The following RPTOR variants were observed in gnomAD, a reference collection of about 807,000 sequenced individuals.
RPTOR encodes regulatory-associated protein of mTOR.
A neutral mutation model predicts 169.9 loss-of-function variants in RPTOR; 21 were observed. That is an observed-to-expected ratio of 0.12 (90% CI 0.09 to 0.18). The LOEUF (loss-of-function observed/expected upper bound fraction) is 0.18. RPTOR is among the 10% of genes least tolerant of loss of function. RPTOR has a pLI of 1.00. For synonymous variants in RPTOR, 732 were observed against 753.2 expected (o/e 0.97, Z 0.46); for missense variants, 1,133 against 1,855.9 (o/e 0.61, Z 7.16).
intron 5 of RPTOR, among the ~76,000 whole-genome samples, chr17:80,753,279 A>G (rs1332581398): frequency 6.6e-6 from 1 of 152,240 alleles, no homozygotes; most frequent in Non-Finnish European, 1.5e-5. Context: ...AGTTCACATC[A>G]TATAACCTGA....
chr17:80,585,356 C>T (rs1300807202), intron 1 of RPTOR, among the ~76,000 whole-genome samples: 1 of 152,040 alleles, frequency 6.6e-6, no homozygotes, highest in Non-Finnish European at 1.5e-5. Flanking sequence ...AGGCACGCGC[C>T]ACCTCGCCCA....
Position 80,546,805 on chromosome 17 carries a change from G to A in RPTOR, c.162+1014G>A, listed in dbSNP as rs552373763. ...GCGGTGGCTCACGCCTGTAATCTCA[G>A]CACTTTGGGAGGCCAAGGCAGGCCT... On this transcript the variant is annotated intron_variant, in intron 1 of 33. Transcript: ENST00000306801. 1.8e-4 allele frequency among the ~76,000 whole-genome samples: 27 copies of A among 152,270 alleles called. 1 individual carries two copies. In the South Asian group the frequency reaches 5.2e-3, roughly 29 times the overall value.
chr17:80,585,631 C>T (rs114232514), intron 1 of RPTOR, among the ~76,000 whole-genome samples: 187 of 152,330 alleles, frequency 1.2e-3, no homozygotes, highest in African/African-American at 4.3e-3. Context: ...TGAGTGTGCA[C>T]GCTGCTACGT....
In RPTOR at chr17:80,841,857, G is replaced by A. The variant is rs374887706; in HGVS notation, c.1212+3860G>A. ...GCACGGCAGCTCACACTCACCGCAC[G>A]GCAGCTGACTCACCGCACCGCAGCT... On this transcript the variant is annotated intron_variant, in intron 10 of 33. Coordinates refer to ENST00000306801, the MANE Select transcript of RPTOR (RefSeq NM_020761.3). 4.2e-4 allele frequency among the ~76,000 whole-genome samples: 38 copies of A among 90,484 alleles called. 1 individual carries two copies. In the East Asian group the frequency reaches 8.5e-3, roughly 20 times the overall value. The allele number at this position is 90,484 out of a possible 152,430, so 59.4% of individuals were successfully genotyped here.
At chr17:80,847,539 T>C (rs967033220) in intron 11 of RPTOR, among the ~76,000 whole-genome samples, 3 of 152,182 alleles carry the variant, frequency 2.0e-5, no homozygotes, top group African/African-American at 7.2e-5. Context: ...GGTGGTGCAG[T>C]TGGACTTTGG....
chr17:80,740,480 A>G (rs1037145150), intron 5 of RPTOR, among the ~76,000 whole-genome samples: 1 of 152,256 alleles, frequency 6.6e-6, no homozygotes, highest in Non-Finnish European at 1.5e-5. Context: ...AATAAAAAAC[A>G]GCAAACCAAT....
At chr17:80,903,186 G>A (rs565947986) in intron 20 of RPTOR, among the ~76,000 whole-genome samples, 6 of 152,350 alleles carry the variant, frequency 3.9e-5, no homozygotes, top group South Asian at 2.1e-4. Flanking sequence ...TGTGGCAAGC[G>A]CCCTGCTCAC....
chr17:80,949,363 G>C, intron 27 of RPTOR, 80 bp from the exon 28 acceptor site: 1 of 1,210,624 alleles, frequency 8.3e-7, no homozygotes, highest in Non-Finnish European at 1.2e-6. Flanking sequence ...CTGCCAGGAA[G>C]GGCTCTTACC....
intron 24 of RPTOR, 130 bp downstream of exon 24, chr17:80,925,610 G>A (rs1043999741): frequency 1.1e-5 from 8 of 711,816 alleles, no homozygotes; most frequent in South Asian, 3.4e-5. Flanking sequence ...TGATGGTCAC[G>A]GTTGAGGTAG....
At chr17:80,794,728 A>G (rs1207060779) in intron 7 of RPTOR, among the ~76,000 whole-genome samples, 1 of 152,232 alleles carries the variant, frequency 6.6e-6, no homozygotes, top group African/African-American at 2.4e-5. Flanking sequence ...CTCAACAGGA[A>G]AAAGGGACAG....
At chr17:80,625,200 A>T (rs2065383851) in intron 1 of RPTOR, among the ~76,000 whole-genome samples, 1 of 152,206 alleles carries the variant, frequency 6.6e-6, no homozygotes, top group South Asian at 2.1e-4. Flanking sequence ...AAGGCACTCT[A>T]GGAGAACCAG....
At chr17:80,565,871 G>T (rs1023322704) in intron 1 of RPTOR, among the ~76,000 whole-genome samples, 1 of 152,248 alleles carries the variant, frequency 6.6e-6, no homozygotes, top group African/African-American at 2.4e-5. Flanking sequence ...GGTGTTAAGC[G>T]GCGAGCCAGG....
chr17:80,648,987 A>G (rs2065618169), intron 3 of RPTOR, among the ~76,000 whole-genome samples: 1 of 152,218 alleles, frequency 6.6e-6, no homozygotes, highest in African/African-American at 2.4e-5. Flanking sequence ...CTTCACAGCC[A>G]TGTGGAACTA....
At chr17:80,899,087 C>T (rs2068443666) in intron 20 of RPTOR, among the ~76,000 whole-genome samples, 1 of 152,102 alleles carries the variant, frequency 6.6e-6, no homozygotes, top group African/African-American at 2.4e-5. Context: ...CCAGCTTAGC[C>T]CAGACACGCC....
intron 5 of RPTOR, among the ~76,000 whole-genome samples, chr17:80,743,887 GCACTGTCCTGGTTACGA>G (rs2066522086): frequency 9.5e-6 from 1 of 105,036 alleles, no homozygotes; most frequent in Admixed American, 8.4e-5. Context: ...CTGGCTACTA[GCACTGTCCTGGTTACGA>G]GCACAGCCCT....
intron 31 of RPTOR, 54 bp from the exon 32 acceptor site, chr17:80,962,407 A>T: frequency 6.9e-7 from 1 of 1,457,738 alleles, no homozygotes; most frequent in Non-Finnish European, 9.6e-7. Flanking sequence ...CCCCCTGGCC[A>T]GGCCCCTCAT....
chr17:80,858,309 C>T (rs1056997326), intron 13 of RPTOR, among the ~76,000 whole-genome samples: 2 of 152,356 alleles, frequency 1.3e-5, no homozygotes, highest in South Asian at 2.1e-4. Context: ...ATTGGCTCTC[C>T]TGTGCCCACC....
rs200127391 is a variant in RPTOR at position 80,730,749 on chromosome 17, T to G, written c.654+43T>G. On this transcript the variant is annotated intron_variant, in intron 5 of 33. Coordinates refer to ENST00000306801, the MANE Select transcript of RPTOR (RefSeq NM_020761.3). This position sits in a 1 kb window ranked among gnomAD's most constrained non-coding sequence, Gnocchi z 4.2. ...TGGAGAGCGGTGCTGGGTTTGGTTT[T>G]GTTTTCCCTGGGGGTGGGGTTTGGG... 3.1e-3 allele frequency: 4,824 copies of G among 1,577,738 alleles called. 17 individuals carry two copies. The highest frequency in any genetic ancestry group is 0.011 in the Middle Eastern group (48 of 4,344).
At position 80,960,771 on chromosome 17, in the gene RPTOR, T is replaced by A; in HGVS notation, c.3605+566T>A. Reference sequence around the variant, plus strand: ...TGAGCACCCCTGTGGGCAGGTGCTGTCCATGTCTGGCAGGGGACAGGGCAC... The same window carrying A: ...TGAGCACCCCTGTGGGCAGGTGCTGACCATGTCTGGCAGGGGACAGGGCAC... On this transcript the variant is annotated intron_variant, in intron 30 of 33. Coordinates refer to ENST00000306801, the MANE Select transcript of RPTOR (RefSeq NM_020761.3). This position sits in a 1 kb window ranked among gnomAD's most constrained non-coding sequence, Gnocchi z 4.8. 1 of 159,730 alleles carries A rather than the reference T, an allele frequency of 6.3e-6. No individual in the cohort carries two copies. The highest frequency in any genetic ancestry group is 1.7e-4 in the South Asian group (1 of 5,952). The allele number at this position is 159,730 out of a possible 1,614,324, so 9.9% of individuals were successfully genotyped here.
Sources: allele counts gnomAD v4.1 joint callset (sites outside exome capture counted in the v4.1 genomes callset), GRCh38; gene constraint gnomAD v4.1.1; non-coding constraint Gnocchi (gnomAD v3.1); transcripts MANE v1.5; gene names NCBI Gene and HGNC (gene_info 2026-07-23, HGNC 2026-07-21).